Variants in TENM4 observed in about 807,000 individuals in gnomAD.
The protein encoded by TENM4 is teneurin transmembrane protein 4, also known as teneurin-4.
Under a neutral mutation model 243.3 loss-of-function variants are expected in TENM4, and 82 were observed. The ratio of observed to expected loss-of-function variants is 0.34; its 90% CI spans 0.28 to 0.40. The LOEUF is 0.40. Among genes scored for constraint, TENM4 ranks in the 10% least tolerant of loss-of-function variants. The probability of loss-of-function intolerance (pLI) is 1.00; values close to 1 mark genes in which losing one functional copy is unlikely to be tolerated. For synonymous variants in TENM4, 1,412 were observed against 1,456.3 expected (o/e 0.97, Z 0.69); for missense variants, 3,138 against 3,673.3 (o/e 0.85, Z 3.77).
intron 15 of TENM4, among the ~76,000 whole-genome samples, chr11:78,800,488 TGAGGAGGTGGG>T: frequency 6.6e-6 from 1 of 152,024 alleles, no homozygotes; most frequent in East Asian, 1.9e-4. Flanking sequence ...AAGGGGTTTA[TGAGGAGGTGGG>T]GAGGAGGTGG....
intron 6 of TENM4, among the ~76,000 whole-genome samples, chr11:78,929,285 C>T (rs1238360022): frequency 6.6e-6 from 1 of 152,198 alleles, no homozygotes; most frequent in Non-Finnish European, 1.5e-5. Context: ...AGCAATCAAA[C>T]TGCTTCCATG....
intron 4 of TENM4, among the ~76,000 whole-genome samples, chr11:79,113,122 A>G (rs576530728): frequency 6.6e-6 from 1 of 152,322 alleles, no homozygotes; most frequent in South Asian, 2.1e-4. Flanking sequence ...CACAAAAGCA[A>G]AGATGAAAAT....
chr11:78,836,119 A>G (rs1858106324), intron 12 of TENM4, among the ~76,000 whole-genome samples: 1 of 152,176 alleles, frequency 6.6e-6, no homozygotes, highest in Admixed American at 6.5e-5. Flanking sequence ...GTACTTTGGG[A>G]GGCCGAGGTG....
intron 6 of TENM4, among the ~76,000 whole-genome samples, chr11:79,040,477 C>G (rs901894621): frequency 1.5e-4 from 23 of 152,154 alleles, no homozygotes; most frequent in Non-Finnish European, 5.9e-5. Flanking sequence ...GGATTCAGTC[C>G]CAGTCTGCTT....
chr11:78,973,756 G>T (rs1326816234), intron 6 of TENM4, among the ~76,000 whole-genome samples: 2 of 150,334 alleles, frequency 1.3e-5, no homozygotes, highest in African/African-American at 4.9e-5. Context: ...TGTGGTTTTT[G>T]CCATTAAATA....
Position 78,805,277 on chromosome 11 carries a change from T to TCCCCACCCACCACACCCCAC in TENM4, c.2179+14_2179+15insGTGGGGTGTGGTGGGTGGGG. On this transcript the variant is annotated intron_variant, in intron 15 of 33. Coordinates refer to ENST00000278550, the MANE Select transcript of TENM4 (RefSeq NM_001098816.3). The stretch of plus-strand genomic sequence containing the variant: ...CCCCTCCCTCTACCCATGCTTCTTC[T>TCCCCACCCACCACACCCCAC]CCCCCTGCATTTACCGATAGAACAG... 1 of 1,402,550 alleles carries TCCCCACCCACCACACCCCAC rather than the reference T, an allele frequency of 7.1e-7. No individual in the cohort carries two copies. The highest frequency in any genetic ancestry group is 9.7e-7 in the Non-Finnish European group (1 of 1,033,116). The allele number at this position is 1,402,550 out of a possible 1,614,324, so 86.9% of individuals were successfully genotyped here.
intron 27 of TENM4, 30 bp downstream of exon 27, chr11:78,708,331 C>T: frequency 1.9e-5 from 31 of 1,612,532 alleles, no homozygotes; most frequent in Non-Finnish European, 2.5e-5. Flanking sequence ...GTGGGCAGTC[C>T]CAGGGCTTTG....
chr11:78,739,965 C>T (rs1416437359), intron 19 of TENM4, among the ~76,000 whole-genome samples: 1 of 152,230 alleles, frequency 6.6e-6, no homozygotes, highest in Non-Finnish European at 1.5e-5. Flanking sequence ...TCACTTGCCA[C>T]TGGCCGTGGG....
intron 4 of TENM4, among the ~76,000 whole-genome samples, chr11:79,135,742 CATAT>C (rs1280724558): frequency 7.3e-6 from 1 of 136,700 alleles, no homozygotes; most frequent in African/African-American, 2.7e-5. Flanking sequence ...ATATATACAT[CATAT>C]ATACATATAT....
At position 79,154,763 on chromosome 11, in the gene TENM4, T is replaced by C. The variant is rs114502711; in HGVS notation, c.-162-5957A>G. 7.1e-3 allele frequency among the ~76,000 whole-genome samples: 1,080 copies of C among 152,232 alleles called. 14 individuals carry two copies. The highest frequency in any genetic ancestry group is 0.02 in the African/African-American group (851 of 41,534). ...CTCTACTCTACATTCTCAGAGCCCTTGTGATCACACTTACCAGAGTGATGA... is the reference window on the plus strand; with the variant it reads ...CTCTACTCTACATTCTCAGAGCCCTCGTGATCACACTTACCAGAGTGATGA... On this transcript the variant is annotated intron_variant, in intron 3 of 33. Transcript: ENST00000278550.
intron 9 of TENM4, among the ~76,000 whole-genome samples, chr11:78,883,882 C>A (rs927646211): frequency 2.6e-5 from 4 of 152,216 alleles, no homozygotes; most frequent in Admixed American, 2.0e-4. Context: ...TGACAGGTCC[C>A]CCTGGTTGTT....
chr11:78,694,544 G>C (rs1858908243), intron 28 of TENM4, among the ~76,000 whole-genome samples: 1 of 152,180 alleles, frequency 6.6e-6, no homozygotes, highest in Non-Finnish European at 1.5e-5. Context: ...ATTTGAGGTG[G>C]TGCCTCTGGT....
At chr11:78,995,590 A>G (rs1858153684) in intron 6 of TENM4, among the ~76,000 whole-genome samples, 1 of 152,232 alleles carries the variant, frequency 6.6e-6, no homozygotes, top group South Asian at 2.1e-4. Flanking sequence ...AGAGATACAG[A>G]AAAGTAGCAA....
intron 6 of TENM4, among the ~76,000 whole-genome samples, chr11:78,926,275 C>CTTTTT (rs34301647): frequency 7.9e-6 from 1 of 127,330 alleles, no homozygotes; most frequent in African/African-American, 2.9e-5. Context: ...AAAGAACTGA[C>CTTTTT]TTTTTTTTTT....
At position 78,973,433 on chromosome 11, in the gene TENM4, C is replaced by G. The variant is rs572433213; in HGVS notation, c.494-69910G>C. Among the ~76,000 whole-genome samples, 5 of 152,296 alleles carry G rather than the reference C, an allele frequency of 3.3e-5. No individual in the cohort carries two copies. The East Asian group carries it at 9.6e-4, about 29-fold the overall frequency. ...GCATTTCCCCTAATGGCAAATGATG[C>G]TTGGCATATTTTCATGTCCTTATTT... On this transcript the variant is annotated intron_variant, in intron 6 of 33. Coordinates refer to ENST00000278550, the MANE Select transcript of TENM4 (RefSeq NM_001098816.3).
intron 6 of TENM4, among the ~76,000 whole-genome samples, chr11:78,955,527 G>A (rs915306454): frequency 2.6e-5 from 4 of 152,160 alleles, no homozygotes; most frequent in Non-Finnish European, 4.4e-5. Flanking sequence ...TGCCTTCCTC[G>A]GGGAGTGGTG....
At chr11:79,141,964 A>C (rs530739) in intron 4 of TENM4, among the ~76,000 whole-genome samples, 55,860 of 151,916 alleles carry the variant, frequency 0.37, 12,261 homozygotes, top group Middle Eastern at 0.5. Context: ...ATTCTAAAAA[A>C]CTTGGTATAG....
chr11:79,237,496 G>A (rs575893043), intron 2 of TENM4, among the ~76,000 whole-genome samples: 1 of 152,268 alleles, frequency 6.6e-6, no homozygotes, highest in South Asian at 2.1e-4. Flanking sequence ...GGCCAACATG[G>A]TAAAACCCTG....
intron 1 of TENM4, among the ~76,000 whole-genome samples, chr11:79,375,672 T>C (rs964123978): frequency 3.3e-5 from 5 of 152,188 alleles, no homozygotes; most frequent in Non-Finnish European, 5.9e-5. Flanking sequence ...CATAGACCCC[T>C]GCCCTTCGGA....
Sources: gnomAD v4.1 joint callset for allele counts (sites outside exome capture counted in the v4.1 genomes callset) on GRCh38, gnomAD v4.1.1 for gene constraint, MANE v1.5 for transcripts, NCBI Gene and HGNC (gene_info 2026-07-23, HGNC 2026-07-21) for gene names.